LRPPRC: variants seen among roughly 807,000 people sequenced by gnomAD.
LRPPRC encodes the protein leucine rich pentatricopeptide repeat containing, also known as leucine-rich PPR motif-containing protein, mitochondrial.
Under a neutral mutation model 180.3 loss-of-function variants are expected in LRPPRC, and 120 were observed. That is an observed-to-expected ratio of 0.67 (90% CI 0.57 to 0.77). LRPPRC has a LOEUF of 0.77. Among genes scored for constraint, LRPPRC ranks in the 30% least tolerant of loss-of-function variants. The pLI, the probability that LRPPRC is intolerant of heterozygous loss-of-function variation, is 0.00. For missense variants in LRPPRC, 2,012 were observed against 1,657.2 expected (o/e 1.21, Z -3.72); for synonymous variants, 723 against 600.0 (o/e 1.21, Z -3.00).
At chr2:43,894,387 G>A (rs963373476) in intron 36 of LRPPRC, among the ~76,000 whole-genome samples, 158 bp downstream of exon 36, 1 of 152,150 alleles carries the variant, frequency 6.6e-6, no homozygotes, top group Non-Finnish European at 1.5e-5. Flanking sequence ...TTCCAGAACT[G>A]AGTTATTTAT....
Position 43,899,259 on chromosome 2 carries a change from A to G in LRPPRC, c.3785T>C (p.Val1262Ala). Residue 1262 changes from valine (V) to alanine (A), a missense_variant, in exon 34 of 38, where the codon GTG becomes GCG. By Grantham distance (64) the Val-to-Ala change is moderately conservative (BLOSUM62 0). Transcript: ENST00000260665. ...KPVTDFFLQL[V>A]DAGKVDDARA... ...GGCATCATCCACCTTGCCTGCATCC[A>G]CAAGTTGAAGGAAAAAATCAGTGAC... 1 of 1,614,162 alleles carries G rather than the reference A, an allele frequency of 6.2e-7. No individual in the cohort carries two copies. Among genetic ancestry groups the G allele is most frequent in the Non-Finnish European group, 8.5e-7 (1 of 1,180,004 alleles).
intron 36 of LRPPRC, chr2:43,890,500 T>G (rs938666772): frequency 1.5e-5 from 5 of 331,268 alleles, no homozygotes; most frequent in Admixed American, 1.5e-4. Context: ...GATCACGAGG[T>G]TAGGAGATCG....
chr2:43,963,526 T>A, intron 12 of LRPPRC, 62 bp downstream of exon 12: 3 of 1,023,454 alleles, frequency 2.9e-6, no homozygotes, highest in Non-Finnish European at 4.7e-6. Flanking sequence ...GTGTCAACAC[T>A]AAACATTAAG....
chr2:43,993,796 A>G (rs2103788054), intron 1 of LRPPRC, among the ~76,000 whole-genome samples: 1 of 152,168 alleles, frequency 6.6e-6, no homozygotes, highest in South Asian at 2.1e-4. Context: ...GTGTGCCACG[A>G]ATAAATCTAC....
In LRPPRC at chr2:43,938,107, C is replaced by T. The variant is rs1009529739; in HGVS notation, c.2505-3229G>A. Among the ~76,000 whole-genome samples, 15 of 152,074 alleles carry T rather than the reference C, an allele frequency of 9.9e-5. No individual in the cohort carries two copies. In the South Asian group the frequency reaches 3.1e-3, roughly 32 times the overall value. On this transcript the variant is annotated intron_variant, in intron 23 of 37. Transcript: ENST00000260665. ...TCACATACAAATATTTAAAGGCTCA[C>T]TCCTAATAAAAATTTAGTCAATGCT...
intron 14 of LRPPRC, among the ~76,000 whole-genome samples, chr2:43,956,731 A>C (rs2103647394): frequency 6.6e-6 from 1 of 152,154 alleles, no homozygotes; most frequent in Non-Finnish European, 1.5e-5. Flanking sequence ...CTCTACTAAA[A>C]ATACAAAACT....
chr2:43,948,127 T>A lies in LRPPRC; in HGVS notation c.1915A>T (p.Ile639Phe), dbSNP rs863224050. 1 of 1,580,944 alleles carries A rather than the reference T, an allele frequency of 6.3e-7. No individual in the cohort carries two copies. Among genetic ancestry groups the A allele is most frequent in the Admixed American group, 1.7e-5 (1 of 59,954 alleles). ...GATTGCTATTTCACACACACCTTAA[T>A]CAATTCAGGAACATGGTAGCTTTCC... ...LLESYHVPEL[I>F]KDAHLLVESK... Residue 639 changes from isoleucine (I) to phenylalanine (F), a missense_variant, in exon 18 of 38, where the codon ATT becomes TTT. Ile to Phe is a conservative substitution (Grantham distance 21, BLOSUM62 0). Coordinates refer to ENST00000260665, the MANE Select transcript of LRPPRC (RefSeq NM_133259.4).
intron 12 of LRPPRC, among the ~76,000 whole-genome samples, chr2:43,962,912 C>G (rs773080573): frequency 4.6e-5 from 7 of 152,148 alleles, no homozygotes; most frequent in Non-Finnish European, 5.9e-5. Flanking sequence ...TCAAGACCAG[C>G]CTGGATAACA....
At chr2:43,894,336 T>C (rs1439799983) in intron 36 of LRPPRC, among the ~76,000 whole-genome samples, 4 of 152,242 alleles carry the variant, frequency 2.6e-5, no homozygotes, top group Non-Finnish European at 5.9e-5. Context: ...GTTAAAGTTA[T>C]ATGCATAATT....
intron 22 of LRPPRC, 80 bp downstream of exon 22, chr2:43,945,252 T>C (rs908382995): frequency 8.4e-6 from 8 of 955,152 alleles, no homozygotes; most frequent in Non-Finnish European, 1.4e-5. Flanking sequence ...CAGGACATGA[T>C]ATCCATTAAT....
chr2:43,905,755 T>C lies in LRPPRC; in HGVS notation c.3301A>G (p.Thr1101Ala). Residue 1101 changes from threonine (T) to alanine (A), a missense_variant, in exon 31 of 38, where the codon ACA (threonine) becomes GCA (alanine). Thr to Ala is a moderately conservative substitution (Grantham distance 58). Coordinates refer to ENST00000260665, the MANE Select transcript of LRPPRC (RefSeq NM_133259.4). ...AFAETHIKGF[T>A]LNDAANSRLI... ...CGGCTGTTGGCAGCATCGTTCAGTG[T>C]GAAGCCCTTGATGTGGGTCTCCGCG... 1 of 1,613,672 alleles carries C rather than the reference T, an allele frequency of 6.2e-7. No individual in the cohort carries two copies. Among genetic ancestry groups the C allele is most frequent in the South Asian group, 1.1e-5 (1 of 91,076 alleles).
At position 43,995,117 on chromosome 2, in the gene LRPPRC, T is replaced by C. The variant is rs1428921284; in HGVS notation, c.149+682A>G. ...TTAGCCTGGCATGGTGGCGCACACC[T>C]GTAATCCCAGCTACTCGGGAGGCTG... On this transcript the variant is annotated intron_variant, in intron 1 of 37. Transcript: ENST00000260665. Among the ~76,000 whole-genome samples, 4 of 152,118 alleles carry C rather than the reference T, an allele frequency of 2.6e-5. No individual in the cohort carries two copies. The South Asian group carries it at 8.3e-4, about 32-fold the overall frequency.
chr2:43,910,571 T>A (rs958895938), intron 30 of LRPPRC, among the ~76,000 whole-genome samples: 4 of 152,142 alleles, frequency 2.6e-5, no homozygotes, highest in Non-Finnish European at 4.4e-5. Flanking sequence ...TTATGAAGAT[T>A]TTCTATTTTG....
chr2:43,906,193 A>G (rs1171554128), intron 30 of LRPPRC, among the ~76,000 whole-genome samples: 1 of 152,142 alleles, frequency 6.6e-6, no homozygotes, highest in Non-Finnish European at 1.5e-5. Flanking sequence ...ATGAGGATTT[A>G]TTTTCAGCAC....
At position 43,979,143 on chromosome 2, in the gene LRPPRC, T is replaced by C. The variant is rs1674189458; in HGVS notation, c.469+683A>G. Among the ~76,000 whole-genome samples the C allele has an allele frequency of 2.0e-5, 3 of 147,548 alleles. No homozygotes were observed. In the South Asian group the frequency reaches 6.2e-4, roughly 31 times the overall value. ...ATTATTTTTTGAATACGTACTATGT[T>C]ACATGACATAAAACTGAAAAGGTAT... On this transcript the variant is annotated intron_variant, in intron 3 of 37. Transcript: ENST00000260665.
chr2:43,925,929 A>C lies in LRPPRC; in HGVS notation c.2769T>G (p.Leu923=). Residue 923 remains leucine, a synonymous_variant, in exon 26 of 38, where the codon CTT becomes CTG. Coordinates refer to ENST00000260665, the MANE Select transcript of LRPPRC (RefSeq NM_133259.4). The part of the protein sequence containing the change: ...TPGIRARSAR[L]QWFCDRCVAN... The stretch of plus-strand genomic sequence containing the variant: ...CAACACATCTGTCACAAAACCACTG[A>C]AGCCTTGCAGATCGAGCTCTAATCC... 6.2e-7 allele frequency: 1 copy of C among 1,612,972 alleles called. No homozygotes were observed. Among genetic ancestry groups the C allele is most frequent in the African/African-American group, 1.3e-5 (1 of 75,014 alleles).
intron 13 of LRPPRC, chr2:43,959,192 T>C (rs1016987429): frequency 1.1e-5 from 8 of 716,384 alleles, no homozygotes; most frequent in Non-Finnish European, 1.8e-5. Flanking sequence ...CTAATGCTTC[T>C]CTGTTTTCTT....
At position 43,918,292 on chromosome 2, in the gene LRPPRC, T is replaced by C. The variant is rs1346892239; in HGVS notation, c.3003A>G (p.Arg1001=). Residue 1001 remains arginine, a synonymous_variant, in exon 28 of 38, where the codon AGA becomes AGG. Coordinates refer to ENST00000260665, the MANE Select transcript of LRPPRC (RefSeq NM_133259.4). ...CAAACGGAACTTCCTGGTTACCCTC[T>C]CTAAGGATTTCTGCTAATAATCTTA... ...KTLRLLAEIL[R]EGNQEVPFDV... 2.0e-5 allele frequency: 33 copies of C among 1,612,716 alleles called. No homozygotes were observed. The highest frequency in any genetic ancestry group is 2.7e-5 in the Non-Finnish European group (32 of 1,178,744).
At chr2:43,982,708 T>G (rs1387264410) in intron 1 of LRPPRC, among the ~76,000 whole-genome samples, 1 of 152,190 alleles carries the variant, frequency 6.6e-6, no homozygotes, top group Admixed American at 6.5e-5. Flanking sequence ...CAAAATCAGA[T>G]GGAAATACAG....
Sources: allele counts gnomAD v4.1 joint callset (sites outside exome capture counted in the v4.1 genomes callset), GRCh38; gene constraint gnomAD v4.1.1; transcripts MANE v1.5; gene names NCBI Gene and HGNC (gene_info 2026-07-23, HGNC 2026-07-21).